The following SLC60A2 variants were observed in gnomAD, a reference collection of about 807,000 sequenced individuals.
SLC60A2 encodes solute carrier family 60 member 2.
chr6:111,273,637 T>C, the SLC60A2 span, among the ~76,000 whole-genome samples: 1 of 152,170 alleles, frequency 6.6e-6, no homozygotes, highest in South Asian at 2.1e-4. Context: ...TGTTTCTTTG[T>C]TGATTTTCTG....
the SLC60A2 span, chr6:111,267,361 A>C: frequency 2.6e-6 from 1 of 391,544 alleles, no homozygotes. Flanking sequence ...CATGTGACTG[A>C]TTAGGAAATA....
At chr6:111,274,117 A>G in the SLC60A2 span, among the ~76,000 whole-genome samples, 16 of 152,162 alleles carry the variant, frequency 1.1e-4, no homozygotes, top group African/African-American at 3.9e-4. Flanking sequence ...TGGCCTCCCA[A>G]AGTACTGGGA....
chr6:111,259,914 T>TC, the SLC60A2 span, among the ~76,000 whole-genome samples: 2 of 148,000 alleles, frequency 1.4e-5, no homozygotes, highest in Non-Finnish European at 3.0e-5. Flanking sequence ...CAGCAAGCTT[T>TC]TTTTTTTTTT....
chr6:111,273,915 G>T, the SLC60A2 span, among the ~76,000 whole-genome samples: 1 of 151,942 alleles, frequency 6.6e-6, no homozygotes, highest in East Asian at 1.9e-4. Flanking sequence ...TAGAGGTGGG[G>T]CCTCAGTATG....
At chr6:111,266,531 G>T in the SLC60A2 span, 1 of 1,614,184 alleles carries the variant, frequency 6.2e-7, no homozygotes, top group East Asian at 2.2e-5. Flanking sequence ...TTTGTCTCTG[G>T]ATAGCAACTT....
chr6:111,275,409 C>CT, the SLC60A2 span, among the ~76,000 whole-genome samples: 1,796 of 139,756 alleles, frequency 0.013, 32 homozygotes, highest in African/African-American at 0.043. Context: ...CTCAGAACAA[C>CT]TTTTTTTTTT....
the SLC60A2 span, among the ~76,000 whole-genome samples, chr6:111,276,882 C>A: frequency 6.6e-6 from 1 of 152,082 alleles, no homozygotes; most frequent in Non-Finnish European, 1.5e-5. Context: ...CAGAGGAAAC[C>A]TGTTTGACTT....
chr6:111,271,775 T>C, the SLC60A2 span, among the ~76,000 whole-genome samples: 7 of 18,836 alleles, frequency 3.7e-4, no homozygotes, highest in Non-Finnish European at 5.6e-4. Flanking sequence ...CCATCTCTAC[T>C]AAAAAAAAAA....
At chr6:111,273,879 C>T in the SLC60A2 span, among the ~76,000 whole-genome samples, 10 of 152,094 alleles carry the variant, frequency 6.6e-5, no homozygotes, top group Non-Finnish European at 1.3e-4. Flanking sequence ...GTGTGTGTCA[C>T]CATGGCTAAT....
chr6:111,266,812 A>G, the SLC60A2 span: 1 of 1,613,974 alleles, frequency 6.2e-7, no homozygotes, highest in Non-Finnish European at 8.5e-7. Context: ...CGCCAGCGAA[A>G]AGAAGACAGA....
At chr6:111,279,674 A>G in the SLC60A2 span, among the ~76,000 whole-genome samples, 2 of 152,160 alleles carry the variant, frequency 1.3e-5, no homozygotes, top group East Asian at 1.9e-4. Context: ...AAAAGCTCAG[A>G]TCTTTTGGAG....
chr6:111,261,585 A>C, the SLC60A2 span, among the ~76,000 whole-genome samples: 1 of 151,754 alleles, frequency 6.6e-6, no homozygotes, highest in Non-Finnish European at 1.5e-5. Context: ...CACCTGACTT[A>C]ATTTAATTAA....
At chr6:111,266,941 A>G in the SLC60A2 span, 3 of 1,614,126 alleles carry the variant, frequency 1.9e-6, no homozygotes, top group East Asian at 4.5e-5. Context: ...ATTGAAACGA[A>G]TGATACAATG....
chr6:111,273,229 C>T, the SLC60A2 span, among the ~76,000 whole-genome samples: 2 of 151,926 alleles, frequency 1.3e-5, no homozygotes, highest in Admixed American at 6.6e-5. Flanking sequence ...TGGCTCACTG[C>T]AGTCTCAAGC....
At chr6:111,265,606 C>CTAA in the SLC60A2 span, among the ~76,000 whole-genome samples, 2 of 151,964 alleles carry the variant, frequency 1.3e-5, no homozygotes, top group African/African-American at 4.8e-5. Context: ...AAGCGTCTTG[C>CTAA]TAATGTGCTT....
chr6:111,275,250 T>C, the SLC60A2 span, among the ~76,000 whole-genome samples: 1 of 152,208 alleles, frequency 6.6e-6, no homozygotes, highest in Non-Finnish European at 1.5e-5. Context: ...TCGTTTGCTT[T>C]GATTTTTAAT....
chr6:111,266,989 C>T, the SLC60A2 span: 1,247 of 1,614,162 alleles, frequency 7.7e-4, 1 homozygote, highest in African/African-American at 3.7e-3. Context: ...AGTAGTCTGA[C>T]GGAGCCCACA....
chr6:111,272,748 GT>G, the SLC60A2 span, among the ~76,000 whole-genome samples: 1 of 152,026 alleles, frequency 6.6e-6, no homozygotes, highest in Non-Finnish European at 1.5e-5. Flanking sequence ...CTGACCTCAA[GT>G]GATCCACCCA....
the SLC60A2 span, among the ~76,000 whole-genome samples, chr6:111,279,569 A>G: frequency 2.7e-5 from 4 of 150,396 alleles, no homozygotes; most frequent in South Asian, 8.3e-4. Context: ...TTAAAGGAAA[A>G]CTGGAGAGGA....
Sources: allele counts gnomAD v4.1 joint callset (sites outside exome capture counted in the v4.1 genomes callset), GRCh38; gene constraint gnomAD v4.1.1; transcripts MANE v1.5; gene names NCBI Gene and HGNC (gene_info 2026-07-23, HGNC 2026-07-21).